The following SLC24A2 variants were observed in gnomAD, a reference collection of about 807,000 sequenced individuals.
The protein encoded by SLC24A2 is solute carrier family 24 member 2.
A neutral mutation model predicts 62.0 loss-of-function variants in SLC24A2; 36 were observed. The observed-to-expected ratio is 0.58, with a 90% CI of 0.44 to 0.77. SLC24A2 has a LOEUF of 0.77. Among genes scored for constraint, SLC24A2 ranks in the 30% least tolerant of loss-of-function variants. The pLI is 0.00. For missense variants in SLC24A2, 846 were observed against 817.9 expected, an observed-to-expected ratio of 1.03 and a Z score of -0.42; for synonymous variants, 358 against 294.0, an observed-to-expected ratio of 1.22 and a Z score of -2.23.
At position 19,511,152 on chromosome 9, in the gene SLC24A2, T is replaced by A. The variant is rs564702380; in HGVS notation, c.*5001A>T. On this transcript the variant is annotated 3_prime_UTR_variant, in exon 11 of 11. Transcript: ENST00000341998. Reference sequence around the variant, plus strand: ...ACAACCTGCGCAGGTCCAAAGCTCCTGGTGAAAAAGGAATATTGCCATGGT... The same window carrying A: ...ACAACCTGCGCAGGTCCAAAGCTCCAGGTGAAAAAGGAATATTGCCATGGT... The A allele has an allele frequency of 1.3e-4, 20 of 152,292 alleles. No homozygotes were observed. The highest frequency in any genetic ancestry group is 1.3e-3 in the Admixed American group (20 of 15,276). 9.4% of individuals were successfully genotyped at this position (152,292 alleles called of 1,614,324 possible).
chr9:19,646,324 A>G (rs1431808100), intron 2 of SLC24A2, among the ~76,000 whole-genome samples: 1 of 152,164 alleles, frequency 6.6e-6, no homozygotes, highest in Non-Finnish European at 1.5e-5. Flanking sequence ...CTTTTACCCA[A>G]CAGATCATTT....
the SLC24A2 span, among the ~76,000 whole-genome samples, chr9:19,826,680 C>A: frequency 6.6e-6 from 1 of 152,284 alleles, no homozygotes; most frequent in Non-Finnish European, 1.5e-5. Flanking sequence ...TCCCCTCAAG[C>A]CTTTTAATAA....
At chr9:20,226,673 C>T in the SLC24A2 span, among the ~76,000 whole-genome samples, 1 of 151,944 alleles carries the variant, frequency 6.6e-6, no homozygotes, top group Non-Finnish European at 1.5e-5. Flanking sequence ...CTGATGAAGA[C>T]CTGAAACAAT....
chr9:19,519,357 G>GTC (rs1833084155), intron 10 of SLC24A2, among the ~76,000 whole-genome samples: 1 of 151,614 alleles, frequency 6.6e-6, no homozygotes, highest in East Asian at 1.9e-4. Context: ...CCTTGTGTGT[G>GTC]TGTGTGTGTG....
chr9:20,266,507 A>T, the SLC24A2 span, among the ~76,000 whole-genome samples: 2 of 152,062 alleles, frequency 1.3e-5, no homozygotes, highest in African/African-American at 4.8e-5. Context: ...GCCCTTCGAT[A>T]ACTGCTTTTC....
At chr9:20,073,938 A>ATATATG in the SLC24A2 span, among the ~76,000 whole-genome samples, 6 of 148,022 alleles carry the variant, frequency 4.1e-5, no homozygotes, top group African/African-American at 1.5e-4. Flanking sequence ...ATATATATAT[A>ATATATG]TATGTATGTA....
chr9:20,198,332 G>A, the SLC24A2 span, among the ~76,000 whole-genome samples: 1 of 152,364 alleles, frequency 6.6e-6, no homozygotes, highest in South Asian at 2.1e-4. Context: ...GCCTGCCAGA[G>A]GCAGCTGCAC....
At chr9:20,198,074 AGATGTT>A in the SLC24A2 span, among the ~76,000 whole-genome samples, 1 of 152,194 alleles carries the variant, frequency 6.6e-6, no homozygotes, top group African/African-American at 2.4e-5. Flanking sequence ...GGTCATTTCC[AGATGTT>A]GTAGCCCCAG....
At chr9:19,978,204 T>C in the SLC24A2 span, among the ~76,000 whole-genome samples, 302 of 152,318 alleles carry the variant, frequency 2.0e-3, 1 homozygote, top group African/African-American at 6.8e-3. Context: ...TTTACAACCA[T>C]ATAACTGTTT....
At chr9:19,733,885 T>C (rs1331633786) in intron 2 of SLC24A2, among the ~76,000 whole-genome samples, 1 of 152,014 alleles carries the variant, frequency 6.6e-6, no homozygotes, top group African/African-American at 2.4e-5. Flanking sequence ...ATGCTACAGA[T>C]GGGCAAAAAC....
At chr9:19,526,435 C>G (rs1047352734) in intron 9 of SLC24A2, among the ~76,000 whole-genome samples, 1 of 152,136 alleles carries the variant, frequency 6.6e-6, no homozygotes, top group African/African-American at 2.4e-5. Flanking sequence ...AACTATTTCC[C>G]AAAGTGGCTG....
the SLC24A2 span, among the ~76,000 whole-genome samples, chr9:20,074,541 G>A: frequency 7.0e-6 from 1 of 143,484 alleles, no homozygotes; most frequent in Non-Finnish European, 1.5e-5. Context: ...GGAAATAATA[G>A]GAAGAGAAGA....
At chr9:19,919,779 G>C in the SLC24A2 span, among the ~76,000 whole-genome samples, 2 of 152,188 alleles carry the variant, frequency 1.3e-5, no homozygotes, top group South Asian at 4.1e-4. Flanking sequence ...AGGGCAAAGG[G>C]GGGCGGAAAG....
chr9:19,812,609 A>G, the SLC24A2 span, among the ~76,000 whole-genome samples: 3 of 152,158 alleles, frequency 2.0e-5, no homozygotes, highest in Non-Finnish European at 4.4e-5. Flanking sequence ...AATCTTTGAT[A>G]ACTCCAATGT....
the SLC24A2 span, among the ~76,000 whole-genome samples, chr9:20,274,525 T>C: frequency 4.6e-5 from 7 of 152,102 alleles, no homozygotes; most frequent in Non-Finnish European, 5.9e-5. Flanking sequence ...GGAACTATTG[T>C]CAAACTCAGG....
chr9:20,121,295 C>T, the SLC24A2 span, among the ~76,000 whole-genome samples: 1 of 151,588 alleles, frequency 6.6e-6, no homozygotes, highest in African/African-American at 2.4e-5. Flanking sequence ...TATTTTTCCC[C>T]AGAAATATAA....
rs1465126143 is a variant in SLC24A2, at chr9:19,527,810, A to G, written c.1569+239T>C. On this transcript the variant is annotated intron_variant, in intron 9 of 10. Coordinates refer to ENST00000341998, the MANE Select transcript of SLC24A2 (RefSeq NM_020344.4). ...CTGTCAGGCTGCAGAGGCAAGAAGT[A>G]GTTAGACTTGCCTGCCTCCACATGG... is the stretch of plus-strand genomic sequence containing the variant. Among the ~76,000 whole-genome samples the G allele has an allele frequency of 8.5e-5, 13 of 152,308 alleles. No individual in the cohort carries two copies. In the East Asian group the frequency reaches 2.5e-3, roughly 29 times the overall value.
the SLC24A2 span, among the ~76,000 whole-genome samples, chr9:19,939,190 T>G: frequency 1.3e-5 from 2 of 152,248 alleles, no homozygotes; most frequent in Non-Finnish European, 2.9e-5. Flanking sequence ...TAGTGCCACC[T>G]AAGTGTTTGG....
intron 10 of SLC24A2, among the ~76,000 whole-genome samples, chr9:19,519,886 A>C (rs1833106367): frequency 1.3e-5 from 2 of 151,900 alleles, no homozygotes; most frequent in South Asian, 4.1e-4. Context: ...ATGCACAGAG[A>C]GTGCTACAAT....
Sources: allele counts gnomAD v4.1 joint callset (sites outside exome capture counted in the v4.1 genomes callset), GRCh38; gene constraint gnomAD v4.1.1; transcripts MANE v1.5; gene names NCBI Gene and HGNC (gene_info 2026-07-23, HGNC 2026-07-21).